The following NOL4 variants were observed in gnomAD, a reference collection of about 807,000 sequenced individuals.
NOL4 encodes the protein cancer/testis antigen 125.
NOL4 carries 17 observed loss-of-function variants against 75.9 expected under a neutral mutation model. That is an observed-to-expected ratio of 0.22 (90% CI 0.15 to 0.34). NOL4 has a LOEUF of 0.34. NOL4 is among the 10% of genes least tolerant of loss of function. The pLI, the probability that NOL4 is intolerant of heterozygous loss-of-function variation, is 1.00. For synonymous variants in NOL4, 292 were observed against 289.9 expected, an observed-to-expected ratio of 1.01 and a Z score of -0.07; for missense variants, 614 against 793.5, an observed-to-expected ratio of 0.77 and a Z score of 2.72.
chr18:33,950,266 G>T (rs2069124666), intron 8 of NOL4, among the ~76,000 whole-genome samples: 2 of 150,494 alleles, frequency 1.3e-5, no homozygotes, highest in Admixed American at 6.6e-5. Context: ...AAAATTAAAT[G>T]TTATATAACT....
At chr18:34,062,166 G>A (rs1417943437) in intron 5 of NOL4, among the ~76,000 whole-genome samples, 26 of 151,988 alleles carry the variant, frequency 1.7e-4, no homozygotes, top group Admixed American at 1.6e-3. Flanking sequence ...GTTCACCGAC[G>A]TAACAAACCT....
chr18:34,044,716 C>T (rs1229978497), intron 5 of NOL4, among the ~76,000 whole-genome samples: 5 of 152,108 alleles, frequency 3.3e-5, no homozygotes, highest in Non-Finnish European at 7.4e-5. Flanking sequence ...GCAATATATG[C>T]TTTTAAAGAC....
intron 9 of NOL4, among the ~76,000 whole-genome samples, chr18:33,909,168 G>C (rs1041692063): frequency 1.3e-5 from 2 of 152,106 alleles, no homozygotes; most frequent in African/African-American, 4.8e-5. Context: ...TTGGAAAGTA[G>C]TGGTTTTATC....
intron 1 of NOL4, among the ~76,000 whole-genome samples, chr18:34,211,012 G>A (rs578062701): frequency 6.6e-6 from 1 of 152,020 alleles, no homozygotes; most frequent in Non-Finnish European, 1.5e-5. Flanking sequence ...CCTTTACGGT[G>A]GAGGTTGCAG....
intron 9 of NOL4, among the ~76,000 whole-genome samples, chr18:33,929,897 T>A (rs2145397103): frequency 6.6e-6 from 1 of 152,256 alleles, no homozygotes; most frequent in East Asian, 1.9e-4. Context: ...ACTTCTGTCA[T>A]TAAAAACTTA....
intron 5 of NOL4, among the ~76,000 whole-genome samples, chr18:34,061,654 T>C (rs781574366): frequency 5.9e-5 from 9 of 152,100 alleles, no homozygotes; most frequent in Non-Finnish European, 1.3e-4. Flanking sequence ...AATTCCACAC[T>C]GGTGGAGTAA....
chr18:33,977,426 C>A (rs149028369), intron 6 of NOL4, among the ~76,000 whole-genome samples: 2 of 152,144 alleles, frequency 1.3e-5, no homozygotes, highest in African/African-American at 4.8e-5. Context: ...TGGTTTTATA[C>A]AGGACAGTTC....
chr18:34,220,664 T>G (rs914019883), intron 1 of NOL4, among the ~76,000 whole-genome samples: 57 of 152,300 alleles, frequency 3.7e-4, no homozygotes, highest in Admixed American at 1.6e-3. Context: ...AGGAGGAGCC[T>G]ATAATTCTAT....
chr18:34,175,454 T>G (rs1415527590), intron 1 of NOL4, among the ~76,000 whole-genome samples: 1 of 152,136 alleles, frequency 6.6e-6, no homozygotes, highest in African/African-American at 2.4e-5. Flanking sequence ...AAAAAATCCA[T>G]AGATTCTTGA....
chr18:33,934,382 G>T lies in NOL4; in HGVS notation c.1542+8683C>A, dbSNP rs551090006. On this transcript the variant is annotated intron_variant, in intron 9 of 10. Transcript: ENST00000261592. ...TTAGCCCCTAACAGTAGAGCAGCCT[G>T]TCCTTTGAACTGTGAAGCCAGGCAT... is the stretch of plus-strand genomic sequence containing the variant. 2.0e-5 allele frequency among the ~76,000 whole-genome samples: 3 copies of T among 152,272 alleles called. No homozygotes were observed. The East Asian group carries it at 5.8e-4, about 29-fold the overall frequency.
At chr18:34,034,804 T>A (rs1010111786) in intron 5 of NOL4, among the ~76,000 whole-genome samples, 1 of 139,186 alleles carries the variant, frequency 7.2e-6, no homozygotes, top group Non-Finnish European at 1.5e-5. Flanking sequence ...TATATTTACA[T>A]CAGATAAAAT....
chr18:34,013,355 T>C (rs1041875789), intron 6 of NOL4, among the ~76,000 whole-genome samples: 1 of 151,870 alleles, frequency 6.6e-6, no homozygotes, highest in Non-Finnish European at 1.5e-5. Flanking sequence ...TTAGCAGACT[T>C]CTCCCTTCTT....
intron 9 of NOL4, among the ~76,000 whole-genome samples, chr18:33,939,873 G>A (rs1395821955): frequency 6.6e-6 from 1 of 151,838 alleles, no homozygotes; most frequent in Non-Finnish European, 1.5e-5. Context: ...AATGCTTCCA[G>A]TTTTTGCCCA....
chr18:33,994,099 C>A (rs903938834), intron 6 of NOL4, among the ~76,000 whole-genome samples: 2 of 151,592 alleles, frequency 1.3e-5, no homozygotes, highest in Non-Finnish European at 3.0e-5. Flanking sequence ...GAAGATATGA[C>A]AATTATAAAC....
At chr18:34,016,966 G>GTA (rs1361585914) in intron 6 of NOL4, among the ~76,000 whole-genome samples, 1 of 152,094 alleles carries the variant, frequency 6.6e-6, no homozygotes, top group African/African-American at 2.4e-5. Flanking sequence ...CCATGAGGAA[G>GTA]TGATAAAATC....
At chr18:33,929,331 C>T (rs753171433) in intron 9 of NOL4, among the ~76,000 whole-genome samples, 6 of 152,044 alleles carry the variant, frequency 3.9e-5, no homozygotes, top group Non-Finnish European at 8.8e-5. Context: ...GGAATACCCT[C>T]CTCTAGCTTT....
At chr18:34,187,752 C>T (rs1335018818) in intron 1 of NOL4, among the ~76,000 whole-genome samples, 1 of 152,186 alleles carries the variant, frequency 6.6e-6, no homozygotes, top group Non-Finnish European at 1.5e-5. Context: ...AGCCAATCAC[C>T]TGCTGAAGAA....
chr18:33,997,627 T>C (rs141783774), intron 6 of NOL4, among the ~76,000 whole-genome samples: 2 of 149,410 alleles, frequency 1.3e-5, no homozygotes, highest in African/African-American at 4.9e-5. Flanking sequence ...ACTTCGCATA[T>C]ATACTTTATA....
chr18:34,027,692 A>G (rs2075414319), intron 5 of NOL4, among the ~76,000 whole-genome samples: 1 of 152,220 alleles, frequency 6.6e-6, no homozygotes, highest in Admixed American at 6.5e-5. Context: ...CCAAATGGTC[A>G]TAGGTAGTGA....
Sources: gnomAD v4.1 joint callset for allele counts (sites outside exome capture counted in the v4.1 genomes callset) on GRCh38, gnomAD v4.1.1 for gene constraint, MANE v1.5 for transcripts, NCBI Gene and HGNC (gene_info 2026-07-23, HGNC 2026-07-21) for gene names.